The following BPIFB4 variants were observed in gnomAD, a reference collection of about 807,000 sequenced individuals.
The protein encoded by BPIFB4 is BPI fold containing family B member 4.
A neutral mutation model predicts 69.2 loss-of-function variants in BPIFB4; 62 were observed. The ratio of observed to expected loss-of-function variants is 0.90; its 90% CI spans 0.73 to 1.11. The LOEUF is 1.11. BPIFB4 is among the 50% of genes least tolerant of loss of function. The pLI is 0.00. For synonymous variants in BPIFB4, 330 were observed against 332.7 expected, an observed-to-expected ratio of 0.99 and a Z score of 0.09; for missense variants, 789 against 792.0, an observed-to-expected ratio of 1.00 and a Z score of 0.04.
chr20:33,111,167 G>T (rs912386402), intron 17 of BPIFB4, among the ~76,000 whole-genome samples: 1 of 152,094 alleles, frequency 6.6e-6, no homozygotes. Context: ...TGTGAAGAGG[G>T]ACTCAGGCCT....
chr20:33,088,903 G>A, intron 7 of BPIFB4, 63 bp from the exon 8 acceptor site: 1 of 1,609,668 alleles, frequency 6.2e-7, no homozygotes, highest in Non-Finnish European at 8.5e-7. Context: ...CCACAGGGTG[G>A]ACAGCCTTGG....
In BPIFB4 at chr20:33,080,642, C is replaced by T. The variant is rs576067601; in HGVS notation, c.-16+66C>T. On this transcript the variant is annotated intron_variant, in intron 2 of 17. Coordinates refer to ENST00000375483, the MANE Select transcript of BPIFB4 (RefSeq NM_182519.3). Reference sequence around the variant, plus strand: ...GACCTAGAGCCATTAATATTAACCACGTGGTGTAGAACTGACTCCTCCAAA... The same window carrying T: ...GACCTAGAGCCATTAATATTAACCATGTGGTGTAGAACTGACTCCTCCAAA... 8 of 152,388 alleles carry T rather than the reference C, an allele frequency of 5.2e-5. No individual in the cohort carries two copies. In the South Asian group the frequency reaches 1.2e-3, roughly 24 times the overall value. The allele number at this position is 152,388 out of a possible 1,614,324, so 9.4% of individuals were successfully genotyped here.
intron 14 of BPIFB4, among the ~76,000 whole-genome samples, chr20:33,100,744 A>C (rs1474933379): frequency 6.6e-6 from 1 of 152,246 alleles, no homozygotes; most frequent in Non-Finnish European, 1.5e-5. Context: ...GTGTGGGCAC[A>C]GTAGCCCATG....
intron 13 of BPIFB4, 40 bp from the exon 14 acceptor site, chr20:33,100,386 A>G (rs761571698): frequency 1.3e-6 from 2 of 1,521,226 alleles, no homozygotes; most frequent in Admixed American, 3.4e-5. Context: ...TGGCCAAGAC[A>G]TGAAGGCAGT....
rs1245334772 is a variant in BPIFB4 at position 33,083,381 on chromosome 20, C to G, written c.184C>G (p.Pro62Ala). Reference protein sequence around the residue: ...REVPLGVGDIPYNDFHVRGPP... With the variant: ...REVPLGVGDIAYNDFHVRGPP... ...ATTCCCCCGAGGTGTTGGTGATATT[C>G]CCTACAATGACTTCCATGTCCGAGG... is the stretch of plus-strand genomic sequence containing the variant. The change falls in exon 5 of 18, where the codon CCC becomes GCC. Residue 62 changes from proline (P) to alanine (A), a missense_variant. Coordinates refer to ENST00000375483, the MANE Select transcript of BPIFB4 (RefSeq NM_182519.3). 6.2e-7 allele frequency: 1 copy of G among 1,613,118 alleles called. No individual in the cohort carries two copies. The highest frequency in any genetic ancestry group is 8.5e-7 in the Non-Finnish European group (1 of 1,179,440).
Position 33,104,836 on chromosome 20 carries a change from G to A in BPIFB4, c.1707G>A (p.Glu569=), listed in dbSNP as rs1982002226. 6.2e-7 allele frequency: 1 copy of A among 1,614,172 alleles called. No individual in the cohort carries two copies. The highest frequency in any genetic ancestry group is 8.5e-7 in the Non-Finnish European group (1 of 1,180,024). Residue 569 remains glutamate, a synonymous_variant, in exon 16 of 18, where the codon GAG becomes GAA. Coordinates refer to ENST00000375483, the MANE Select transcript of BPIFB4 (RefSeq NM_182519.3). ...FDIGLMEVLV[E]KIFDLAFMPA... The stretch of plus-strand genomic sequence containing the variant: ...TTGGCCTCATGGAGGTGCTGGTGGA[G>A]AAGATTTTTGACCTGGCATTCATGC...
At chr20:33,095,237 G>C in intron 12 of BPIFB4, 84 bp downstream of exon 12, 9 of 1,421,592 alleles carry the variant, frequency 6.3e-6, no homozygotes, top group Non-Finnish European at 7.9e-6. Context: ...AAGATGCTCA[G>C]CGCTGGGGTG....
intron 7 of BPIFB4, among the ~76,000 whole-genome samples, 162 bp downstream of exon 7, chr20:33,086,326 C>G (rs1981428993): frequency 6.6e-6 from 1 of 152,248 alleles, no homozygotes; most frequent in Admixed American, 6.5e-5. Context: ...ACTCTCACCT[C>G]TGTCCCTGAC....
Position 33,092,548 on chromosome 20 carries a change from A to G in BPIFB4, c.1234A>G (p.Met412Val). The G allele has an allele frequency of 6.2e-7, 1 of 1,614,112 alleles. No homozygotes were observed. Among genetic ancestry groups the G allele is most frequent in the East Asian group, 2.2e-5 (1 of 44,886 alleles). Reference sequence around the variant, plus strand: ...CAAGCCGATGCCAGAGCTGCCTCCCATGGGTGACAACACCAAGTCCCAGCT... The same window carrying G: ...CAAGCCGATGCCAGAGCTGCCTCCCGTGGGTGACAACACCAAGTCCCAGCT... ...SPKPMPELPP[M>V]GDNTKSQLAM... Residue 412 changes from methionine to valine, a missense_variant, in exon 11 of 18, where the codon ATG becomes GTG. By Grantham distance (21) the Met-to-Val change is conservative. Transcript: ENST00000375483.
At chr20:33,110,813 G>GTTT (rs1409074801) in intron 17 of BPIFB4, among the ~76,000 whole-genome samples, 23 of 114,230 alleles carry the variant, frequency 2.0e-4, no homozygotes, top group Non-Finnish European at 2.6e-4. Flanking sequence ...TTTTGTTGAA[G>GTTT]TTTTTTTTTT....
intron 7 of BPIFB4, among the ~76,000 whole-genome samples, chr20:33,086,765 G>A (rs927107): frequency 0.76 from 115,384 of 152,112 alleles, 44,175 homozygotes; most frequent in East Asian, 0.96. Context: ...TTCCTATGAC[G>A]TGCTCCTTAC....
chr20:33,110,204 A>G (rs1203867549), intron 17 of BPIFB4, among the ~76,000 whole-genome samples: 1 of 152,194 alleles, frequency 6.6e-6, no homozygotes, highest in Non-Finnish European at 1.5e-5. Flanking sequence ...GAGTCCTCCA[A>G]GGTGGGACAA....
rs147357505 is a variant in BPIFB4, at chr20:33,102,820, A to G, written c.1638-152A>G. On this transcript the variant is annotated intron_variant, in intron 14 of 17. Coordinates refer to ENST00000375483, the MANE Select transcript of BPIFB4 (RefSeq NM_182519.3). ...GTCCGACGTGTAGTTAGCGCTCAGCATGTGAGAGCCAGCATTGTTCTTATT... is the reference window on the plus strand; with the variant it reads ...GTCCGACGTGTAGTTAGCGCTCAGCGTGTGAGAGCCAGCATTGTTCTTATT... 1.1e-3 allele frequency: 904 copies of G among 790,752 alleles called. 1 individual carries two copies. Among genetic ancestry groups the G allele is most frequent in the Non-Finnish European group, 1.4e-3 (657 of 462,160 alleles). 49.0% of individuals were successfully genotyped at this position (790,752 alleles called of 1,614,324 possible).
Position 33,083,493 on chromosome 20 carries a change from T to TG in BPIFB4, c.302dup (p.Lys102GlnfsTer6), listed in dbSNP as rs913393654. 2.5e-6 allele frequency: 4 copies of TG among 1,612,840 alleles called. No individual in the cohort carries two copies. Among genetic ancestry groups the TG allele is most frequent in the Non-Finnish European group, 3.4e-6 (4 of 1,179,722 alleles). ...GAGACCAACGACAACACTGCTCAGCTGGGGGGCAAATACCGATATGGTGAG... is the reference window on the plus strand; with the variant it reads ...GAGACCAACGACAACACTGCTCAGCTGGGGGGGCAAATACCGATATGGTGAG... On this transcript the variant is annotated frameshift_variant, in exon 5 of 18. Transcript: ENST00000375483. LOFTEE classifies it high-confidence loss of function.
rs1295197191 is a variant in BPIFB4, at chr20:33,095,133, C to CT, written c.1379dup (p.Ala462SerfsTer61). ...GCTTCCTCCACTTACCACAGCCACA[C>CT]TGGGAGCCCTGATCCCCAAGGTATG... On this transcript the variant is annotated frameshift_variant, in exon 12 of 18. Coordinates refer to ENST00000375483, the MANE Select transcript of BPIFB4 (RefSeq NM_182519.3). LOFTEE classifies it high-confidence loss of function. The CT allele has an allele frequency of 6.2e-7, 1 of 1,612,564 alleles. No individual in the cohort carries two copies. The highest frequency in any genetic ancestry group is 1.3e-5 in the African/African-American group (1 of 74,896).
At chr20:33,109,331 A>G (rs751644956) in intron 17 of BPIFB4, among the ~76,000 whole-genome samples, 23 of 152,308 alleles carry the variant, frequency 1.5e-4, no homozygotes, top group Admixed American at 3.9e-4. Context: ...ATTTACTGAG[A>G]TGTTCAGTGC....
intron 10 of BPIFB4, among the ~76,000 whole-genome samples, chr20:33,091,775 G>A (rs1028198823): frequency 3.9e-5 from 6 of 152,250 alleles, no homozygotes; most frequent in African/African-American, 1.4e-4. Context: ...ATGTTTTGGA[G>A]GGGACAGGCC....
chr20:33,087,390 A>G (rs1402509825), intron 7 of BPIFB4, among the ~76,000 whole-genome samples: 1 of 152,180 alleles, frequency 6.6e-6, no homozygotes, highest in Non-Finnish European at 1.5e-5. Context: ...AAAGGGGCAC[A>G]TACTATAAAT....
chr20:33,102,267 T>G (rs969021322), intron 14 of BPIFB4, among the ~76,000 whole-genome samples: 1 of 152,214 alleles, frequency 6.6e-6, no homozygotes, highest in African/African-American at 2.4e-5. Flanking sequence ...CCTTAGAAGG[T>G]ACCTTTATTT....
Sources: allele counts gnomAD v4.1 joint callset (sites outside exome capture counted in the v4.1 genomes callset), GRCh38; gene constraint gnomAD v4.1.1; transcripts MANE v1.5; gene names NCBI Gene and HGNC (gene_info 2026-07-23, HGNC 2026-07-21).